HTR4: variants seen among roughly 807,000 people sequenced by gnomAD.
HTR4 encodes 5-hydroxytryptamine (serotonin) receptor 4, G protein-coupled.
Under a neutral mutation model 36.8 loss-of-function variants are expected in HTR4, and 16 were observed. That is an observed-to-expected ratio of 0.43 (90% CI 0.29 to 0.66). The LOEUF (loss-of-function observed/expected upper bound fraction) is 0.66. Among genes scored for constraint, HTR4 ranks in the 30% least tolerant of loss-of-function variants. HTR4 has a pLI of 0.13. For synonymous variants in HTR4, 189 were observed against 185.1 expected (o/e 1.02, Z -0.17); for missense variants, 438 against 490.9 (o/e 0.89, Z 1.02).
rs71001490 is a variant in HTR4, at chr5:148,463,165, CTTTTTTT to C, written c.1077-11900_1077-11894del. 2.3e-4 allele frequency among the ~76,000 whole-genome samples: 15 copies of C among 64,138 alleles called. No homozygotes were observed. In the South Asian group the frequency reaches 3.1e-3, roughly 13 times the overall value. 42.1% of individuals were successfully genotyped at this position (64,138 alleles called of 152,430 possible). ...CTTTGCTTTTCATTTCTTTTTTTTT[CTTTTTTT>C]TTTTTTTTTTTTTTTTTTGAGACGG... On this transcript the variant is annotated intron_variant, in intron 5 of 5. Transcript: ENST00000521530.
intron 6 of HTR4, among the ~76,000 whole-genome samples, chr5:148,498,868 T>C (rs553942127): frequency 6.6e-6 from 1 of 152,096 alleles, no homozygotes; most frequent in Non-Finnish European, 1.5e-5. Flanking sequence ...TAAACTTACT[T>C]CCTTTAAAAA....
At chr5:148,599,160 A>G (rs1020296474) in intron 2 of HTR4, among the ~76,000 whole-genome samples, 3 of 152,166 alleles carry the variant, frequency 2.0e-5, no homozygotes, top group Non-Finnish European at 4.4e-5. Context: ...ATACATTGAA[A>G]TGGTGCAAGG....
intron 2 of HTR4, among the ~76,000 whole-genome samples, chr5:148,603,838 T>C (rs1752023416): frequency 1.3e-5 from 2 of 151,814 alleles, no homozygotes; most frequent in Non-Finnish European, 1.5e-5. Flanking sequence ...GGTATAAGAG[T>C]TGACTAACAA....
intron 2 of HTR4, among the ~76,000 whole-genome samples, chr5:148,571,289 T>G (rs181369539): frequency 2.6e-5 from 4 of 152,242 alleles, no homozygotes; most frequent in Admixed American, 2.6e-4. Flanking sequence ...CCCTGTCACC[T>G]ACATACAACA....
At chr5:148,609,950 T>C (rs1319970567) in intron 2 of HTR4, among the ~76,000 whole-genome samples, 1 of 152,074 alleles carries the variant, frequency 6.6e-6, no homozygotes, top group Non-Finnish European at 1.5e-5. Context: ...TTGAGTGAGA[T>C]TTGACTCCAG....
intron 2 of HTR4, among the ~76,000 whole-genome samples, chr5:148,593,570 C>G (rs1761654947): frequency 6.6e-6 from 1 of 152,124 alleles, no homozygotes; most frequent in African/African-American, 2.4e-5. Context: ...ATGTAATTAA[C>G]TTAATTCTTT....
chr5:148,511,731 A>T (rs562644189), intron 5 of HTR4, among the ~76,000 whole-genome samples: 1 of 151,982 alleles, frequency 6.6e-6, no homozygotes, highest in East Asian at 1.9e-4. Context: ...ACAGCCAAAC[A>T]GTTCCCAAAG....
At chr5:148,625,417 A>T (rs1024317089) in intron 2 of HTR4, among the ~76,000 whole-genome samples, 1 of 152,184 alleles carries the variant, frequency 6.6e-6, no homozygotes, top group African/African-American at 2.4e-5. Flanking sequence ...ATCAAATATG[A>T]TTTGTAGCTT....
At chr5:148,631,345 C>T (rs939771271) in intron 2 of HTR4, among the ~76,000 whole-genome samples, 1 of 152,134 alleles carries the variant, frequency 6.6e-6, no homozygotes, top group African/African-American at 2.4e-5. Context: ...TCCTTATATG[C>T]TAACGAATGT....
chr5:148,530,647 A>G (rs1378313848), intron 4 of HTR4, among the ~76,000 whole-genome samples: 3 of 152,218 alleles, frequency 2.0e-5, no homozygotes, highest in Non-Finnish European at 2.9e-5. Context: ...CCCTGTGCAG[A>G]GTCCCTACTG....
chr5:148,558,731 A>T (rs1760064250), intron 2 of HTR4, among the ~76,000 whole-genome samples: 1 of 152,124 alleles, frequency 6.6e-6, no homozygotes, highest in South Asian at 2.1e-4. Context: ...ATTTCTTAAA[A>T]ACCCTCCTGT....
At chr5:148,575,333 A>C (rs1371028851) in intron 2 of HTR4, among the ~76,000 whole-genome samples, 1 of 151,200 alleles carries the variant, frequency 6.6e-6, no homozygotes, top group African/African-American at 2.5e-5. Flanking sequence ...TCTGTTCCTT[A>C]TTTCTTTCTG....
intron 5 of HTR4, among the ~76,000 whole-genome samples, chr5:148,467,073 T>G (rs543946450): frequency 7.1e-4 from 108 of 152,338 alleles, no homozygotes; most frequent in Admixed American, 2.3e-3. Context: ...CATGCTTCTC[T>G]GAAAATTAAA....
intron 5 of HTR4, among the ~76,000 whole-genome samples, chr5:148,521,770 C>G (rs925851670): frequency 2.0e-5 from 3 of 152,014 alleles, no homozygotes; most frequent in African/African-American, 7.2e-5. Context: ...CATTGAGAAC[C>G]AATGGATCTT....
intron 4 of HTR4, 91 bp downstream of exon 4, chr5:148,548,577 C>G: frequency 1.9e-6 from 2 of 1,031,144 alleles, no homozygotes; most frequent in South Asian, 1.5e-5. Flanking sequence ...TTCATTTCTT[C>G]TAATGAATAA....
At chr5:148,608,476 T>C (rs1032712374) in intron 2 of HTR4, among the ~76,000 whole-genome samples, 1 of 152,020 alleles carries the variant, frequency 6.6e-6, no homozygotes, top group Admixed American at 6.5e-5. Context: ...ATGCCATTTA[T>C]GGAAAAATGG....
intron 2 of HTR4, among the ~76,000 whole-genome samples, chr5:148,577,352 C>A (rs1760965430): frequency 6.6e-6 from 1 of 152,106 alleles, no homozygotes; most frequent in South Asian, 2.1e-4. Flanking sequence ...AAGGGGAACA[C>A]TTGTGCACTG....
intron 5 of HTR4, among the ~76,000 whole-genome samples, chr5:148,463,728 TA>T (rs1179322234): frequency 6.6e-6 from 1 of 151,800 alleles, no homozygotes; most frequent in African/African-American, 2.4e-5. Context: ...TAACAAAGAA[TA>T]ACTAATTCTA....
intron 1 of HTR4, among the ~76,000 whole-genome samples, chr5:148,647,120 G>T (rs1753895329): frequency 6.6e-6 from 1 of 152,144 alleles, no homozygotes; most frequent in Non-Finnish European, 1.5e-5. Flanking sequence ...GTGTGGTTAA[G>T]ACATCCAGCC....
Sources: allele counts gnomAD v4.1 joint callset (sites outside exome capture counted in the v4.1 genomes callset), GRCh38; gene constraint gnomAD v4.1.1; transcripts MANE v1.5; gene names NCBI Gene and HGNC (gene_info 2026-07-23, HGNC 2026-07-21).